The following ZNF563 variants were observed in gnomAD, a reference collection of about 807,000 sequenced individuals.
The protein encoded by ZNF563 is zinc finger protein 563.
A neutral mutation model predicts 48.5 loss-of-function variants in ZNF563; 39 were observed. The ratio of observed to expected loss-of-function variants is 0.80; its 90% confidence interval spans 0.62 to 1.05. ZNF563 has a LOEUF of 1.05. ZNF563 is among the 50% of genes least tolerant of loss of function. ZNF563 has a pLI of 0.00. For missense variants in ZNF563, 538 were observed against 597.0 expected (o/e 0.90, Z 1.03); for synonymous variants, 168 against 187.9 (o/e 0.89, Z 0.87).
At chr19:12,322,502 A>G in intron 2 of ZNF563, 83 bp downstream of exon 2, 1 of 1,418,282 alleles carries the variant, frequency 7.1e-7, no homozygotes, top group Admixed American at 2.4e-5. Context: ...TGCCCTTTCC[A>G]TATTTCAAAT....
intron 1 of ZNF563, among the ~76,000 whole-genome samples, chr19:12,324,369 A>C (rs947688138): frequency 2.4e-4 from 36 of 152,022 alleles, no homozygotes; most frequent in African/African-American, 7.7e-4. Flanking sequence ...AAAAAAATAA[A>C]TAAAATTACA....
At chr19:12,321,058 T>C (rs1303601792) in intron 3 of ZNF563, among the ~76,000 whole-genome samples, 6 of 151,876 alleles carry the variant, frequency 4.0e-5, no homozygotes, top group Admixed American at 2.6e-4. Flanking sequence ...GAGGGTCACA[T>C]GAACCTGGGA....
chr19:12,337,858 C>A (rs531145079), upstream of ZNF563, among the ~76,000 whole-genome samples: 1 of 152,130 alleles, frequency 6.6e-6, no homozygotes, highest in Admixed American at 6.5e-5. Flanking sequence ...CTGTTAACTC[C>A]GCCCTTTGAG....
intron 1 of ZNF563, among the ~76,000 whole-genome samples, chr19:12,324,267 G>T (rs1968712629): frequency 1.3e-5 from 2 of 152,108 alleles, no homozygotes; most frequent in African/African-American, 4.8e-5. Context: ...GCTGAGGTGG[G>T]AGGATCACCT....
At chr19:12,346,724 C>G in the ZNF563 span, 1 of 152,170 alleles carries the variant, frequency 6.6e-6, no homozygotes, top group Non-Finnish European at 1.5e-5. Context: ...AATGGATAAA[C>G]AAAGTATGCT....
At chr19:12,333,340 A>C (rs1270284869) in intron 1 of ZNF563, 140 bp downstream of exon 1, 1 of 1,182,770 alleles carries the variant, frequency 8.5e-7, no homozygotes, top group African/African-American at 1.5e-5. Flanking sequence ...GAGGGGACCG[A>C]GGGTCGAGCT....
intron 1 of ZNF563, among the ~76,000 whole-genome samples, chr19:12,330,531 A>C (rs1469515841): frequency 6.6e-6 from 1 of 152,190 alleles, no homozygotes; most frequent in Non-Finnish European, 1.5e-5. Context: ...TAATCAGGAG[A>C]GTATGGTGTT....
Position 12,318,889 on chromosome 19 carries a change from C to T in ZNF563, c.1136G>A (p.Ser379Asn). ...GTGCATTATCATGTGTCTTCGAAAG[C>T]TTGAGCTATGAGATAACGTTTTCCC... ...QCGKTLSHSS[S>N]FRRHMIMHTG... Residue 379 changes from serine (S) to asparagine (N), a missense_variant, in exon 4 of 4, where the codon AGC becomes AAC. Ser to Asn is a conservative substitution (Grantham distance 46, BLOSUM62 1). Transcript: ENST00000293725. 1 of 1,614,142 alleles carries T rather than the reference C, an allele frequency of 6.2e-7. No individual in the cohort carries two copies. Among genetic ancestry groups the T allele is most frequent in the Non-Finnish European group, 8.5e-7 (1 of 1,180,030 alleles).
In ZNF563 at chr19:12,319,603, T is replaced by C; in HGVS notation, c.422A>G (p.His141Arg). The C allele has an allele frequency of 6.2e-7, 1 of 1,614,234 alleles. No individual in the cohort carries two copies. ...HEYQEYGEKP[H>R]THKQRGKAFS... ...GGCTTTCCCACGTTGTTTATGTGTA[T>C]GTGGCTTCTCTCCATATTCCTGATA... The change falls in exon 4 of 4, where the codon CAT becomes CGT. Residue 141 changes from histidine to arginine, a missense_variant. His to Arg is a conservative substitution (Grantham distance 29). Coordinates refer to ENST00000293725, the MANE Select transcript of ZNF563 (RefSeq NM_145276.3).
At chr19:12,333,398 G>A (rs1049452345) in intron 1 of ZNF563, 82 bp downstream of exon 1, 1 of 1,557,602 alleles carries the variant, frequency 6.4e-7, no homozygotes. Context: ...CGGCGGGGGA[G>A]GCCCACGTTC....
the ZNF563 span, among the ~76,000 whole-genome samples, chr19:12,343,033 T>C: frequency 6.1e-3 from 926 of 150,914 alleles, 17 homozygotes; most frequent in African/African-American, 0.022. Context: ...CTGTCTCTAC[T>C]AAAAATACAA....
At chr19:12,320,525 G>A (rs1344723889) in intron 3 of ZNF563, among the ~76,000 whole-genome samples, 1 of 151,474 alleles carries the variant, frequency 6.6e-6, no homozygotes, top group African/African-American at 2.4e-5. Flanking sequence ...TTTTGAGACG[G>A]AGTCTTGCTC....
upstream of ZNF563, chr19:12,333,685 T>A (rs1201420250): frequency 1.5e-6 from 1 of 683,888 alleles, no homozygotes; most frequent in Non-Finnish European, 2.3e-6. Context: ...TCTTTGAACC[T>A]GGCACCCTAC....
At chr19:12,320,077 C>A (rs1218562798) in intron 3 of ZNF563, among the ~76,000 whole-genome samples, 1 of 152,108 alleles carries the variant, frequency 6.6e-6, no homozygotes, top group African/African-American at 2.4e-5. Flanking sequence ...CGCCACCACG[C>A]CCAGCTAATT....
At chr19:12,333,822 C>T (rs1050437971), upstream of ZNF563, 5 of 348,318 alleles carry the variant, frequency 1.4e-5, no homozygotes, top group Admixed American at 1.4e-4. Flanking sequence ...CTGAGTCGAG[C>T]GGGATGAACG....
chr19:12,327,842 C>T lies in ZNF563; in HGVS notation c.4-5131G>A, dbSNP rs557172069. Reference sequence around the variant, plus strand: ...GTTCAGAATGATAAGGAAAGTCAATCCTACAAGAAGACATAATAATCCTTA... The same window carrying T: ...GTTCAGAATGATAAGGAAAGTCAATTCTACAAGAAGACATAATAATCCTTA... On this transcript the variant is annotated intron_variant, in intron 1 of 3. Transcript: ENST00000293725. Among the ~76,000 whole-genome samples, 3 of 152,160 alleles carry T rather than the reference C, an allele frequency of 2.0e-5. No individual in the cohort carries two copies. The South Asian group carries it at 6.2e-4, about 32-fold the overall frequency.
chr19:12,321,245 T>C (rs1212247337), intron 3 of ZNF563, 27 bp downstream of exon 3: 7 of 1,508,426 alleles, frequency 4.6e-6, no homozygotes, highest in Non-Finnish European at 6.3e-6. Flanking sequence ...TTCAGAAACA[T>C]AACTTTCTCC....
Position 12,322,675 on chromosome 19 carries a change from T to G in ZNF563, c.40A>C (p.Thr14Pro). Residue 14 changes from threonine (T) to proline (P), a missense_variant, in exon 2 of 4, where the codon ACC (threonine) becomes CCC (proline). By Grantham distance (38) the Thr-to-Pro change is conservative. Transcript: ENST00000293725. ...CCCAGCAAAGCCCATTCCTCCTGGG[T>G]GAAGTTCACAGCCACATCCTCAAAG... is the stretch of plus-strand genomic sequence containing the variant. ...VAFEDVAVNF[T>P]QEEWALLGPS... is the part of the protein sequence containing the mutation. 6.2e-7 allele frequency: 1 copy of G among 1,609,220 alleles called. No individual in the cohort carries two copies. The highest frequency in any genetic ancestry group is 8.5e-7 in the Non-Finnish European group (1 of 1,177,144).
Position 12,318,786 on chromosome 19 carries a change from C to G in ZNF563, c.1239G>C (p.Lys413Asn). The change falls in exon 4 of 4, where the codon AAG becomes AAC. Residue 413 changes from lysine (K) to asparagine (N), a missense_variant. Physicochemically the swap from Lys to Asn is moderately conservative, Grantham distance 94. Transcript: ENST00000293725. ...CATAGGGTTTCTCTCCACTGTGAGA[C>G]TTTTCGTGTCTTTGACATACACTAG... Reference protein sequence around the residue: ...VYPSVCQRHEKSHSGEKPYEC... With the variant: ...VYPSVCQRHENSHSGEKPYEC... The G allele has an allele frequency of 6.2e-7, 1 of 1,611,416 alleles. No individual in the cohort carries two copies. Among genetic ancestry groups the G allele is most frequent in the South Asian group, 1.1e-5 (1 of 90,922 alleles).
Sources: allele counts gnomAD v4.1 joint callset (sites outside exome capture counted in the v4.1 genomes callset), GRCh38; gene constraint gnomAD v4.1.1; transcripts MANE v1.5; gene names NCBI Gene and HGNC (gene_info 2026-07-23, HGNC 2026-07-21).